Variants in SRBD1 observed in about 807,000 individuals in gnomAD.
SRBD1 encodes S1 RNA-binding domain-containing protein 1.
SRBD1 carries 88 observed loss-of-function variants against 115.3 expected under a neutral mutation model. The ratio of observed to expected loss-of-function variants is 0.76; its 90% CI spans 0.64 to 0.91. The LOEUF (loss-of-function observed/expected upper bound fraction) is 0.91. SRBD1 is among the 40% of genes least tolerant of loss of function. SRBD1 has a pLI of 0.00. For missense variants in SRBD1, 1,385 were observed against 1,177.4 expected (o/e 1.18, Z -2.58); for synonymous variants, 509 against 407.7 (o/e 1.25, Z -2.99).
At chr2:45,528,297 T>C (rs1167601167) in intron 14 of SRBD1, among the ~76,000 whole-genome samples, 3 of 151,742 alleles carry the variant, frequency 2.0e-5, no homozygotes, top group Non-Finnish European at 4.4e-5. Flanking sequence ...GGCCAGCTCA[T>C]GAAAGCCTTA....
chr2:45,491,822 T>A (rs1025936305), intron 14 of SRBD1, among the ~76,000 whole-genome samples: 1 of 152,200 alleles, frequency 6.6e-6, no homozygotes, highest in Non-Finnish European at 1.5e-5. Flanking sequence ...CTGCTTTATT[T>A]AATTAATTTA....
intron 14 of SRBD1, among the ~76,000 whole-genome samples, chr2:45,506,266 T>C (rs1670794251): frequency 6.6e-6 from 1 of 152,194 alleles, no homozygotes; most frequent in African/African-American, 2.4e-5. Flanking sequence ...TAGGTTTTTA[T>C]TCTCTATTGG....
intron 10 of SRBD1, among the ~76,000 whole-genome samples, chr2:45,556,123 T>C (rs1019879662): frequency 1.3e-5 from 2 of 152,122 alleles, no homozygotes; most frequent in African/African-American, 4.8e-5. Flanking sequence ...TGTCATACAG[T>C]TTTTAAATTT....
intron 16 of SRBD1, among the ~76,000 whole-genome samples, chr2:45,423,177 A>G (rs1321117454): frequency 1.3e-5 from 2 of 152,216 alleles, no homozygotes; most frequent in Non-Finnish European, 2.9e-5. Flanking sequence ...GTTGAAATAA[A>G]ACTTCAAACT....
intron 5 of SRBD1, among the ~76,000 whole-genome samples, chr2:45,584,874 G>C (rs985721274): frequency 3.3e-5 from 5 of 152,248 alleles, no homozygotes; most frequent in Middle Eastern, 6.8e-3. Flanking sequence ...AAAAAGGCTG[G>C]GCATGGTGGC....
intron 10 of SRBD1, among the ~76,000 whole-genome samples, chr2:45,554,054 A>G (rs1672392449): frequency 6.6e-6 from 1 of 152,164 alleles, no homozygotes; most frequent in Non-Finnish European, 1.5e-5. Context: ...TTATTACACC[A>G]CTGCTACAGA....
rs757429727 is a variant in SRBD1, at chr2:45,585,571, C to A, written c.815+37G>T. 12 of 1,580,668 alleles carry A rather than the reference C, an allele frequency of 7.6e-6. No homozygotes were observed. In the Admixed American group the frequency reaches 2.4e-4, roughly 32 times the overall value. ...CTCACTGTTCCTCATTGGCCTTTTC[C>A]CCTTACACTAGGCTTATTCTTTTTT... On this transcript the variant is annotated intron_variant, in intron 5 of 20. Transcript: ENST00000263736.
At position 45,526,126 on chromosome 2, in the gene SRBD1, A is replaced by C. The variant is rs544909543; in HGVS notation, c.1874+20606T>G. ...GTGTATACCTAAGAGAAATGAGCCC[A>C]TATGTCCACACCAAAACTTGTACAC... On this transcript the variant is annotated intron_variant, in intron 14 of 20. Coordinates refer to ENST00000263736, the MANE Select transcript of SRBD1 (RefSeq NM_018079.5). 4.4e-3 allele frequency among the ~76,000 whole-genome samples: 676 copies of C among 152,184 alleles called. 6 individuals are homozygous for C. Among genetic ancestry groups the C allele is most frequent in the African/African-American group, 0.015 (632 of 41,570 alleles).
intron 9 of SRBD1, among the ~76,000 whole-genome samples, chr2:45,564,320 A>C (rs1672759822): frequency 1.3e-5 from 2 of 152,230 alleles, no homozygotes; most frequent in African/African-American, 4.8e-5. Flanking sequence ...GCTTGTGCAC[A>C]GAAATCTCAC....
Position 45,398,222 on chromosome 2 carries a change from A to G in SRBD1, c.2514-5093T>C, listed in dbSNP as rs191509932. Among the ~76,000 whole-genome samples the G allele has an allele frequency of 2.3e-3, 356 of 152,326 alleles. 2 individuals are homozygous for G. The highest frequency in any genetic ancestry group is 7.8e-3 in the African/African-American group (326 of 41,580). ...AAAAATGTAACCCCTTCAGAAAGTCATGAAGTTGTTCTGAAAGCTCTTCCA... is the reference window on the plus strand; with the variant it reads ...AAAAATGTAACCCCTTCAGAAAGTCGTGAAGTTGTTCTGAAAGCTCTTCCA... On this transcript the variant is annotated intron_variant, in intron 19 of 20. Transcript: ENST00000263736.
intron 5 of SRBD1, among the ~76,000 whole-genome samples, chr2:45,584,442 A>C (rs1673454958): frequency 1.3e-5 from 2 of 152,204 alleles, no homozygotes; most frequent in South Asian, 4.1e-4. Context: ...CTTTCCACAT[A>C]TTAGCACTTT....
intron 14 of SRBD1, among the ~76,000 whole-genome samples, chr2:45,513,656 A>C (rs1334054929): frequency 6.6e-6 from 1 of 152,104 alleles, no homozygotes; most frequent in Non-Finnish European, 1.5e-5. Flanking sequence ...GAAAATGAGG[A>C]GTTAGAGCAG....
intron 18 of SRBD1, among the ~76,000 whole-genome samples, chr2:45,414,814 A>ATAGTGTGTATATAGTATGTACACACACG (rs1667750308): frequency 3.4e-5 from 1 of 29,430 alleles, no homozygotes. Flanking sequence ...GTACACACAC[A>ATAGTGTGTATATAGTATGTACACACACG]TATAGTGTGT....
At position 45,481,293 on chromosome 2, in the gene SRBD1, A is replaced by C. The variant is rs541388778; in HGVS notation, c.1967-4218T>G. 2.6e-5 allele frequency among the ~76,000 whole-genome samples: 4 copies of C among 152,264 alleles called. No homozygotes were observed. In the East Asian group the frequency reaches 7.7e-4, roughly 29 times the overall value. Reference sequence around the variant, plus strand: ...GGTGCTACTTTCCTGCCGGCAAGATAATCAAGAATGCGTTATTTAGTGGAC... The same window carrying C: ...GGTGCTACTTTCCTGCCGGCAAGATCATCAAGAATGCGTTATTTAGTGGAC... On this transcript the variant is annotated intron_variant, in intron 15 of 20. Coordinates refer to ENST00000263736, the MANE Select transcript of SRBD1 (RefSeq NM_018079.5).
intron 16 of SRBD1, among the ~76,000 whole-genome samples, chr2:45,452,036 G>A (rs898247391): frequency 4.0e-5 from 6 of 151,574 alleles, no homozygotes; most frequent in East Asian, 1.9e-4. Flanking sequence ...ATTATACTCC[G>A]TATTGTTACT....
chr2:45,470,556 A>C (rs1463745636), intron 16 of SRBD1, among the ~76,000 whole-genome samples: 1 of 152,198 alleles, frequency 6.6e-6, no homozygotes, highest in Non-Finnish European at 1.5e-5. Flanking sequence ...GGAGGTGTTA[A>C]TGAGCATGAA....
chr2:45,492,961 CA>C (rs1572699231), intron 14 of SRBD1, among the ~76,000 whole-genome samples: 1 of 151,934 alleles, frequency 6.6e-6, no homozygotes, highest in African/African-American at 2.4e-5. Context: ...AGTAAGATAC[CA>C]AAAATCAACT....
In SRBD1 at chr2:45,388,917, A is replaced by G. The variant is rs1173206997; in HGVS notation, c.*393T>C. The stretch of plus-strand genomic sequence containing the variant: ...CACTGCCCAGCCCTACTGTGTCAAC[A>G]AAGACGGTACAATTCAAATCAAGAA... On this transcript the variant is annotated 3_prime_UTR_variant, in exon 21 of 21. Transcript: ENST00000263736. 1 of 172,654 alleles carries G rather than the reference A, an allele frequency of 5.8e-6. No individual in the cohort carries two copies. The highest frequency in any genetic ancestry group is 1.2e-5 in the Non-Finnish European group (1 of 80,482). The allele number at this position is 172,654 out of a possible 1,614,324, so 10.7% of individuals were successfully genotyped here. A position where few individuals can be genotyped will look rare whatever the true frequency, so the allele number is the denominator to read the frequency against.
chr2:45,480,945 T>C (rs1669944373), intron 15 of SRBD1, among the ~76,000 whole-genome samples: 1 of 152,186 alleles, frequency 6.6e-6, no homozygotes, highest in Non-Finnish European at 1.5e-5. Flanking sequence ...AGTCCATTGA[T>C]ACAGCAGACT....
Sources: gnomAD v4.1 joint callset for allele counts (sites outside exome capture counted in the v4.1 genomes callset) on GRCh38, gnomAD v4.1.1 for gene constraint, MANE v1.5 for transcripts, NCBI Gene and HGNC (gene_info 2026-07-23, HGNC 2026-07-21) for gene names.